PKNOX1: variants seen among roughly 807,000 people sequenced by gnomAD.
The protein encoded by PKNOX1 is homeobox protein PKNOX1.
PKNOX1 carries 15 observed loss-of-function variants against 51.9 expected under a neutral mutation model. That is an observed-to-expected ratio of 0.29 (90% CI 0.19 to 0.45). The LOEUF is 0.45. Among genes scored for constraint, PKNOX1 ranks in the 20% least tolerant of loss-of-function variants. PKNOX1 has a pLI of 1.00. For missense variants in PKNOX1, 462 were observed against 547.5 expected (o/e 0.84, Z 1.56); for synonymous variants, 219 against 211.1 (o/e 1.04, Z -0.32).
chr21:42,977,000 T>C (rs776456728), intron 1 of PKNOX1, among the ~76,000 whole-genome samples: 1 of 152,236 alleles, frequency 6.6e-6, no homozygotes, highest in Non-Finnish European at 1.5e-5. Flanking sequence ...TTAGCAGACA[T>C]GAAGACAGCA....
At position 43,004,489 on chromosome 21, in the gene PKNOX1, G is replaced by A. The variant is rs372754784; in HGVS notation, c.51+57G>A. The A allele has an allele frequency of 4.7e-5, 54 of 1,152,346 alleles. No individual in the cohort carries two copies. The African/African-American group carries it at 7.4e-4, about 16-fold the overall frequency. The allele number at this position is 1,152,346 out of a possible 1,614,324, so 71.4% of individuals were successfully genotyped here. ...ACAAATCAACCTGGCACTCAAGCAT[G>A]AACATTGCTTTGTATACTTGCAATT... On this transcript the variant is annotated intron_variant, in intron 2 of 10. Coordinates refer to ENST00000291547, the MANE Select transcript of PKNOX1 (RefSeq NM_004571.5).
Position 43,030,941 on chromosome 21 carries a change from A to G in PKNOX1, c.*840A>G, listed in dbSNP as rs1443185593. The G allele has an allele frequency of 1.3e-5, 2 of 152,218 alleles. No individual in the cohort carries two copies. Among genetic ancestry groups the G allele is most frequent in the Non-Finnish European group, 2.9e-5 (2 of 68,022 alleles). 9.4% of individuals were successfully genotyped at this position (152,218 alleles called of 1,614,324 possible). ...TTTAATGAAATTTTGATATCTGCAA[A>G]TTTTTGTTGATATGTAATGCTCAGA... On this transcript the variant is annotated 3_prime_UTR_variant, in exon 11 of 11. Coordinates refer to ENST00000291547, the MANE Select transcript of PKNOX1 (RefSeq NM_004571.5).
At position 43,016,963 on chromosome 21, in the gene PKNOX1, C is replaced by T. The variant is rs770419124; in HGVS notation, c.578C>T (p.Ala193Val). 64 of 1,612,670 alleles carry T rather than the reference C, an allele frequency of 4.0e-5. No individual in the cohort carries two copies. The highest frequency in any genetic ancestry group is 5.5e-5 in the South Asian group (5 of 91,068). ...AGCCCTCAGGGAATTGTGGTGCCGG[C>T]GTCCGCGCTGCAGCAGGGAAACGTA... ...TISPQGIVVP[A>V]SALQQGNVAM... The change falls in exon 6 of 11, where the codon GCG (alanine) becomes GTG (valine). Residue 193 changes from alanine (A) to valine (V), a missense_variant. Transcript: ENST00000291547.
chr21:43,005,426 T>G (rs908048251), intron 2 of PKNOX1, among the ~76,000 whole-genome samples: 22 of 53,082 alleles, frequency 4.1e-4, no homozygotes, highest in African/African-American at 1.9e-3. Flanking sequence ...GGTGGTGGTG[T>G]TAGTGTTTTT....
At chr21:43,013,427 A>G (rs575955532) in intron 5 of PKNOX1, among the ~76,000 whole-genome samples, 189 bp downstream of exon 5, 1 of 152,194 alleles carries the variant, frequency 6.6e-6, no homozygotes, top group Non-Finnish European at 1.5e-5. Flanking sequence ...TGAGTCCTCA[A>G]TCTGCATACT....
chr21:42,988,352 C>T (rs964571940), intron 1 of PKNOX1, among the ~76,000 whole-genome samples: 2 of 152,060 alleles, frequency 1.3e-5, no homozygotes, highest in African/African-American at 4.8e-5. Flanking sequence ...CCCGGCCAGC[C>T]CTCAGTTCTT....
At position 43,030,101 on chromosome 21, in the gene PKNOX1, G is replaced by A. The variant is rs1400367180; in HGVS notation, c.1311G>A (p.Ter437=). 1.9e-6 allele frequency: 3 copies of A among 1,593,848 alleles called. No homozygotes were observed. Among genetic ancestry groups the A allele is most frequent in the Non-Finnish European group, 2.6e-6 (3 of 1,164,724 alleles). ...TGGAGAACAGTGACTCCCTGCAGTA[G>A]GGGCAGGAGCAGACGCACCTGACTT... ...LVLENSDSLQ[*] The change falls in exon 11 of 11, where the codon TAG becomes TAA. Residue 437 remains the stop codon, a stop_retained_variant. Coordinates refer to ENST00000291547, the MANE Select transcript of PKNOX1 (RefSeq NM_004571.5).
chr21:42,981,874 C>A (rs892165836), intron 1 of PKNOX1, among the ~76,000 whole-genome samples: 11 of 152,182 alleles, frequency 7.2e-5, no homozygotes, highest in Non-Finnish European at 1.3e-4. Context: ...AAACAGGAGT[C>A]TATGGGATTC....
intron 2 of PKNOX1, 143 bp from the exon 3 acceptor site, chr21:43,007,348 T>G: frequency 1.4e-6 from 1 of 732,902 alleles, no homozygotes; most frequent in Non-Finnish European, 2.3e-6. Flanking sequence ...TTCAAAGCTG[T>G]TTTGTTGGTA....
intron 1 of PKNOX1, among the ~76,000 whole-genome samples, chr21:43,002,566 C>T (rs543475401): frequency 1.3e-5 from 2 of 152,286 alleles, no homozygotes; most frequent in African/African-American, 2.4e-5. Flanking sequence ...CCACATTGCT[C>T]AGGCTTCTAA....
At chr21:43,009,675 AC>A (rs1177933321) in intron 3 of PKNOX1, among the ~76,000 whole-genome samples, 1 of 151,428 alleles carries the variant, frequency 6.6e-6, no homozygotes, top group African/African-American at 2.4e-5. Flanking sequence ...AGCCTTGGAC[AC>A]TTTATGCTGA....
At chr21:42,992,986 C>G (rs767953847) in intron 1 of PKNOX1, among the ~76,000 whole-genome samples, 4 of 152,174 alleles carry the variant, frequency 2.6e-5, no homozygotes, top group Non-Finnish European at 4.4e-5. Context: ...GGGGGCGTTC[C>G]TCACAGCATG....
intron 5 of PKNOX1, among the ~76,000 whole-genome samples, chr21:43,013,923 T>A (rs575819343): frequency 6.6e-6 from 1 of 152,296 alleles, no homozygotes; most frequent in East Asian, 1.9e-4. Flanking sequence ...TCTTTGTGGT[T>A]TTAATTTTCA....
At chr21:42,993,062 G>A (rs901601683) in intron 1 of PKNOX1, among the ~76,000 whole-genome samples, 1 of 152,108 alleles carries the variant, frequency 6.6e-6, no homozygotes, top group Non-Finnish European at 1.5e-5. Context: ...TTCTAACCCA[G>A]CTCTGGAGTC....
intron 1 of PKNOX1, among the ~76,000 whole-genome samples, chr21:42,999,473 G>C (rs1319281171): frequency 6.8e-6 from 1 of 146,652 alleles, no homozygotes; most frequent in African/African-American, 2.6e-5. Context: ...CAGGAAATGG[G>C]ATTTTCTTTT....
intron 1 of PKNOX1, among the ~76,000 whole-genome samples, chr21:42,994,918 C>CT (rs11361350): frequency 0.35 from 39,853 of 113,268 alleles, 7,153 homozygotes; most frequent in East Asian, 0.52. Context: ...TTTCTTTCTT[C>CT]TTTTTTTTTT....
chr21:42,987,412 T>C (rs868660182), intron 1 of PKNOX1, among the ~76,000 whole-genome samples: 1 of 123,150 alleles, frequency 8.1e-6, no homozygotes, highest in African/African-American at 3.3e-5. Flanking sequence ...AAAATATATA[T>C]ATATATATAT....
At chr21:42,999,070 C>T (rs1978632388) in intron 1 of PKNOX1, among the ~76,000 whole-genome samples, 1 of 152,248 alleles carries the variant, frequency 6.6e-6, no homozygotes, top group African/African-American at 2.4e-5. Flanking sequence ...CCTGGACATC[C>T]AGGCACTTCT....
intron 4 of PKNOX1, among the ~76,000 whole-genome samples, chr21:43,012,755 C>T (rs1979309770): frequency 6.6e-6 from 1 of 152,132 alleles, no homozygotes. Context: ...AGTCACTTGT[C>T]CTGCCTGCCA....
Sources: allele counts gnomAD v4.1 joint callset (sites outside exome capture counted in the v4.1 genomes callset), GRCh38; gene constraint gnomAD v4.1.1; transcripts MANE v1.5; gene names NCBI Gene and HGNC (gene_info 2026-07-23, HGNC 2026-07-21).